Variants in IPO11 observed in about 807,000 individuals in gnomAD.
IPO11 encodes importin-11.
A neutral mutation model predicts 143.2 loss-of-function variants in IPO11; 66 were observed. The ratio of observed to expected loss-of-function variants is 0.46; its 90% CI spans 0.38 to 0.57. The LOEUF is 0.57. Ranked by LOEUF, IPO11 falls within the 20% of genes least tolerant of loss-of-function variation. The pLI is 0.00. For synonymous variants in IPO11, 385 were observed against 377.8 expected, an observed-to-expected ratio of 1.02 and a Z score of -0.22; for missense variants, 1,026 against 1,141.0, an observed-to-expected ratio of 0.90 and a Z score of 1.45.
At chr5:62,416,814 TC>T (rs983593520) in intron 1 of IPO11, among the ~76,000 whole-genome samples, 9 of 151,748 alleles carry the variant, frequency 5.9e-5, no homozygotes, top group Non-Finnish European at 1.2e-4. Flanking sequence ...AACTTCTGCC[TC>T]CCAGGCTCAA....
chr5:62,442,232 C>T (rs899277831), intron 2 of IPO11, among the ~76,000 whole-genome samples: 2 of 152,142 alleles, frequency 1.3e-5, no homozygotes, highest in Non-Finnish European at 2.9e-5. Context: ...ACCCCGGGGC[C>T]TTGACTCCTT....
chr5:62,423,732 T>G (rs1190834276), intron 1 of IPO11, among the ~76,000 whole-genome samples: 1 of 152,124 alleles, frequency 6.6e-6, no homozygotes, highest in Admixed American at 6.6e-5. Context: ...AGATTCAGGT[T>G]TGTTTGTTTG....
At chr5:62,474,596 T>C (rs1745890939) in intron 8 of IPO11, 132 bp downstream of exon 8, 1 of 671,180 alleles carries the variant, frequency 1.5e-6, no homozygotes, top group Non-Finnish European at 2.5e-6. Context: ...TGCACACTTA[T>C]AAATCTAGAG....
chr5:62,591,081 C>T (rs1241212492), intron 27 of IPO11, among the ~76,000 whole-genome samples: 1 of 152,110 alleles, frequency 6.6e-6, no homozygotes, highest in African/African-American at 2.4e-5. Flanking sequence ...TATAGGCTTG[C>T]ACCACTGCAC....
chr5:62,593,028 T>C (rs1170869814), intron 28 of IPO11, among the ~76,000 whole-genome samples: 2 of 152,220 alleles, frequency 1.3e-5, no homozygotes, highest in African/African-American at 2.4e-5. Context: ...CAGATGTTCC[T>C]TTGTCCTCTT....
chr5:62,531,237 G>A (rs1303591175), intron 22 of IPO11, among the ~76,000 whole-genome samples: 1 of 152,188 alleles, frequency 6.6e-6, no homozygotes, highest in Non-Finnish European at 1.5e-5. Flanking sequence ...GAGTGCAGTG[G>A]TATGACCACA....
intron 27 of IPO11, among the ~76,000 whole-genome samples, chr5:62,566,776 A>T (rs1743954046): frequency 6.6e-6 from 1 of 152,102 alleles, no homozygotes; most frequent in Admixed American, 6.6e-5. Flanking sequence ...TAATTCATAA[A>T]GATATGAGTG....
At chr5:62,559,915 T>TTA (rs1561362974) in intron 26 of IPO11, among the ~76,000 whole-genome samples, 3 of 25,504 alleles carry the variant, frequency 1.2e-4, no homozygotes, top group Non-Finnish European at 6.5e-5. Context: ...AAACTCTGTC[T>TTA]CAAAAAAAAA....
chr5:62,492,520 A>G (rs1227062776), intron 15 of IPO11, among the ~76,000 whole-genome samples: 2 of 152,042 alleles, frequency 1.3e-5, no homozygotes, highest in Non-Finnish European at 2.9e-5. Flanking sequence ...GGGAATACTT[A>G]CATACTTTTT....
chr5:62,423,752 C>T (rs974976496), intron 1 of IPO11, among the ~76,000 whole-genome samples: 1 of 152,118 alleles, frequency 6.6e-6, no homozygotes, highest in Non-Finnish European at 1.5e-5. Flanking sequence ...GTTTTTTTGG[C>T]AAGCAGCCCT....
At chr5:62,514,641 G>A (rs886985283) in intron 19 of IPO11, among the ~76,000 whole-genome samples, 1 of 150,330 alleles carries the variant, frequency 6.7e-6, no homozygotes. Context: ...AGAGGGAGAC[G>A]GGAGGACATC....
At chr5:62,558,194 A>T (rs2112360790) in intron 26 of IPO11, among the ~76,000 whole-genome samples, 1 of 152,352 alleles carries the variant, frequency 6.6e-6, no homozygotes, top group Non-Finnish European at 1.5e-5. Context: ...TGTTATAATG[A>T]ATAGTATAAA....
At chr5:62,427,233 C>G (rs572280610) in intron 1 of IPO11, among the ~76,000 whole-genome samples, 86 of 152,036 alleles carry the variant, frequency 5.7e-4, no homozygotes, top group African/African-American at 1.9e-3. Flanking sequence ...AGCCACCGTG[C>G]CCTCCAGATG....
At chr5:62,479,176 A>T (rs1271285121) in intron 9 of IPO11, among the ~76,000 whole-genome samples, 4 of 152,068 alleles carry the variant, frequency 2.6e-5, no homozygotes, top group African/African-American at 9.7e-5. Flanking sequence ...TATGAGTGAG[A>T]ATGTGCGGTG....
chr5:62,574,510 G>C (rs1262534316), intron 27 of IPO11, among the ~76,000 whole-genome samples: 2 of 152,186 alleles, frequency 1.3e-5, no homozygotes, highest in Non-Finnish European at 2.9e-5. Context: ...GAAGGTGGTG[G>C]ATAGGGTCAG....
chr5:62,614,958 T>G (rs2112471334), intron 29 of IPO11, among the ~76,000 whole-genome samples: 1 of 152,214 alleles, frequency 6.6e-6, no homozygotes, highest in South Asian at 2.1e-4. Flanking sequence ...ACTTTAGCCA[T>G]CCAGTGGCCA....
At chr5:62,601,881 A>T in intron 29 of IPO11, 33 bp downstream of exon 29, 1 of 1,328,080 alleles carries the variant, frequency 7.5e-7, no homozygotes, top group Non-Finnish European at 1.1e-6. Context: ...AAAAATTAAG[A>T]ACCATATATT....
At chr5:62,581,095 A>G in intron 27 of IPO11, 3 of 1,549,040 alleles carry the variant, frequency 1.9e-6, no homozygotes, top group Non-Finnish European at 1.7e-6. Flanking sequence ...TGTTCAGTTT[A>G]AACAAAAACT....
At chr5:62,502,457 A>C (rs1249927083) in intron 16 of IPO11, among the ~76,000 whole-genome samples, 1 of 151,950 alleles carries the variant, frequency 6.6e-6, no homozygotes, top group South Asian at 2.1e-4. Context: ...TGTTTTTCTT[A>C]TGTTTATTTG....
Sources: allele counts gnomAD v4.1 joint callset (sites outside exome capture counted in the v4.1 genomes callset), GRCh38; gene constraint gnomAD v4.1.1; transcripts MANE v1.5; gene names NCBI Gene and HGNC (gene_info 2026-07-23, HGNC 2026-07-21).